RARB: variants seen among roughly 807,000 people sequenced by gnomAD.
The protein encoded by RARB is retinoic acid receptor beta.
In RARB, 17 loss-of-function variants were observed where a neutral mutation model predicts 51.9. The ratio of observed to expected loss-of-function variants is 0.33; its 90% CI spans 0.22 to 0.49. The LOEUF (loss-of-function observed/expected upper bound fraction) is 0.49. RARB is among the 20% of genes least tolerant of loss of function. The probability of loss-of-function intolerance (pLI) is 0.99; values close to 1 mark genes in which losing one functional copy is unlikely to be tolerated. For missense variants in RARB, 369 were observed against 550.8 expected (o/e 0.67, Z 3.30); for synonymous variants, 215 against 195.4 (o/e 1.10, Z -0.84).
intron 2 of RARB, among the ~76,000 whole-genome samples, chr3:24,904,550 T>C (rs1694807198): frequency 6.6e-6 from 1 of 152,188 alleles, no homozygotes; most frequent in Admixed American, 6.5e-5. Flanking sequence ...AGGAAAGCTT[T>C]TACACTGTTG....
intron 3 of RARB, among the ~76,000 whole-genome samples, chr3:25,506,918 G>GT (rs1697634639): frequency 6.6e-6 from 1 of 152,196 alleles, no homozygotes; most frequent in Non-Finnish European, 1.5e-5. Context: ...CTTATGAGCC[G>GT]TATGTCTCCA....
chr3:25,146,500 TTTGTTTGTTTG>T (rs1206368044), intron 4 of RARB, among the ~76,000 whole-genome samples: 1 of 88,312 alleles, frequency 1.1e-5, no homozygotes, highest in Non-Finnish European at 2.5e-5. Context: ...AAGTTTTTTG[TTTGTTTGTTTG>T]TTTTTTTTTT....
intron 2 of RARB, among the ~76,000 whole-genome samples, chr3:25,498,382 A>C (rs1431549936): frequency 6.6e-6 from 1 of 152,194 alleles, no homozygotes; most frequent in Non-Finnish European, 1.5e-5. Context: ...GCAAACCTCT[A>C]TTCGGCTTGG....
chr3:25,056,627 C>A (rs985756627), intron 2 of RARB, among the ~76,000 whole-genome samples: 1 of 152,028 alleles, frequency 6.6e-6, no homozygotes, highest in Non-Finnish European at 1.5e-5. Flanking sequence ...ATAATGAATT[C>A]TTTAGTATAT....
intron 5 of RARB, among the ~76,000 whole-genome samples, chr3:25,268,470 T>G (rs1287412467): frequency 6.6e-6 from 1 of 152,142 alleles, no homozygotes; most frequent in African/African-American, 2.4e-5. Context: ...CAACTCAGAT[T>G]TTAGATATGG....
intron 5 of RARB, among the ~76,000 whole-genome samples, chr3:25,271,663 A>C (rs373113609): frequency 6.6e-6 from 1 of 152,198 alleles, no homozygotes; most frequent in Non-Finnish European, 1.5e-5. Flanking sequence ...GCTATTCCCA[A>C]AACTCATTCT....
chr3:25,454,698 G>A (rs75084382), intron 1 of RARB, among the ~76,000 whole-genome samples: 3 of 149,068 alleles, frequency 2.0e-5, no homozygotes, highest in Non-Finnish European at 4.5e-5. Flanking sequence ...AAAAAAAAAA[G>A]TATACTGAGC....
chr3:25,589,871 T>G lies in RARB; in HGVS notation c.787-3632T>G, dbSNP rs528784352. Among the ~76,000 whole-genome samples, 11 of 152,378 alleles carry G rather than the reference T, an allele frequency of 7.2e-5. No homozygotes were observed. The South Asian group carries it at 1.0e-3, about 14-fold the overall frequency. ...TGCCGGTCTTTCCAGATAAGATGCC[T>G]TCCTTTCAAACAAAGAGTGTTTTAA... On this transcript the variant is annotated intron_variant, in intron 5 of 7. Coordinates refer to ENST00000330688, the MANE Select transcript of RARB (RefSeq NM_000965.5).
intron 5 of RARB, among the ~76,000 whole-genome samples, chr3:25,337,814 T>G (rs1240623921): frequency 6.6e-6 from 1 of 151,098 alleles, no homozygotes; most frequent in Non-Finnish European, 1.5e-5. Flanking sequence ...TATACGTTTC[T>G]TGTTTGCCCT....
intron 5 of RARB, among the ~76,000 whole-genome samples, chr3:25,332,131 T>C (rs1349387472): frequency 6.6e-6 from 1 of 152,176 alleles, no homozygotes; most frequent in African/African-American, 2.4e-5. Flanking sequence ...TCTGAAACTA[T>C]TCCAATCAAT....
intron 3 of RARB, among the ~76,000 whole-genome samples, chr3:25,527,170 T>A (rs1698689384): frequency 6.6e-6 from 1 of 152,196 alleles, no homozygotes; most frequent in Admixed American, 6.5e-5. Flanking sequence ...ATTCCAACAG[T>A]CTCCTACATC....
At chr3:24,921,184 C>G (rs1047274569) in intron 2 of RARB, among the ~76,000 whole-genome samples, 4 of 152,118 alleles carry the variant, frequency 2.6e-5, no homozygotes, top group Non-Finnish European at 5.9e-5. Context: ...ATGAGACTAT[C>G]AGTTTCTGAC....
At chr3:25,135,219 T>C (rs984953728) in intron 4 of RARB, among the ~76,000 whole-genome samples, 1 of 151,920 alleles carries the variant, frequency 6.6e-6, no homozygotes, top group Admixed American at 6.6e-5. Context: ...AAATAGCTAG[T>C]GCAACTAAGG....
At chr3:24,941,370 C>A (rs1392720767) in intron 2 of RARB, among the ~76,000 whole-genome samples, 1 of 148,344 alleles carries the variant, frequency 6.7e-6, no homozygotes, top group African/African-American at 2.6e-5. Flanking sequence ...GAATAAAAGG[C>A]AGTCTTTTTT....
intron 5 of RARB, among the ~76,000 whole-genome samples, chr3:25,350,583 G>C (rs924926116): frequency 6.6e-6 from 1 of 152,092 alleles, no homozygotes; most frequent in African/African-American, 2.4e-5. Flanking sequence ...TTAAGTAGTT[G>C]TTTACTTGGT....
intron 2 of RARB, chr3:24,858,757 G>T (rs1007067808): frequency 2.0e-5 from 3 of 152,056 alleles, no homozygotes; most frequent in Non-Finnish European, 4.4e-5. Context: ...AAGGAGGTAC[G>T]TTCAGGTTTA....
intron 5 of RARB, among the ~76,000 whole-genome samples, chr3:25,189,030 A>G (rs1701039770): frequency 6.6e-6 from 1 of 152,190 alleles, no homozygotes; most frequent in Non-Finnish European, 1.5e-5. Flanking sequence ...ACAAAGTCAT[A>G]TAGTTGACAG....
chr3:25,026,971 G>A (rs1449949470), intron 2 of RARB, among the ~76,000 whole-genome samples: 8 of 139,682 alleles, frequency 5.7e-5, no homozygotes. Flanking sequence ...ATCATTTATT[G>A]TAAGTTTATA....
At chr3:25,588,701 A>G (rs755739819) in intron 5 of RARB, among the ~76,000 whole-genome samples, 3 of 152,148 alleles carry the variant, frequency 2.0e-5, no homozygotes, top group Non-Finnish European at 2.9e-5. Context: ...AGAGGCTGGA[A>G]GCTCTCCGCC....
Sources: gnomAD v4.1 joint callset for allele counts (sites outside exome capture counted in the v4.1 genomes callset) on GRCh38, gnomAD v4.1.1 for gene constraint, MANE v1.5 for transcripts, NCBI Gene and HGNC (gene_info 2026-07-23, HGNC 2026-07-21) for gene names.